PGAP2: variants seen among roughly 807,000 people sequenced by gnomAD.
The protein encoded by PGAP2 is post-GPI attachment to proteins 2, also known as acyltransferase PGAP2.
Under a neutral mutation model 33.2 loss-of-function variants are expected in PGAP2, and 21 were observed. That is an observed-to-expected ratio of 0.63 (90% CI 0.45 to 0.91). The LOEUF (loss-of-function observed/expected upper bound fraction) is 0.91. PGAP2 is among the 40% of genes least tolerant of loss of function. The probability of loss-of-function intolerance (pLI) is 0.00; values close to 1 mark genes in which losing one functional copy is unlikely to be tolerated. For synonymous variants in PGAP2, 161 were observed against 172.9 expected (o/e 0.93, Z 0.54); for missense variants, 345 against 424.0 (o/e 0.81, Z 1.64).
At position 3,798,128 on chromosome 11, in the gene PGAP2, G is replaced by C. The variant is rs887966854; in HGVS notation, c.139+146G>C. ...CTGTCTGTCCAAAGAGTTTGCCCGA[G>C]GCTTCTTCAGGGCCCTAAATCCTGA... On this transcript the variant is annotated intron_variant, in intron 1 of 6. Transcript: ENST00000300730. The C allele has an allele frequency of 4.8e-6, 7 of 1,453,492 alleles. No individual in the cohort carries two copies. The East Asian group carries it at 1.8e-4, about 38-fold the overall frequency. The allele number at this position is 1,453,492 out of a possible 1,614,324, so 90.0% of individuals were successfully genotyped here.
At chr11:3,814,297 C>G (rs1397180746) in intron 2 of PGAP2, among the ~76,000 whole-genome samples, 1 of 152,178 alleles carries the variant, frequency 6.6e-6, no homozygotes, top group Non-Finnish European at 1.5e-5. Context: ...CACTCTGTCG[C>G]CTAGGCTGGA....
chr11:3,801,283 T>C (rs2083404646), intron 1 of PGAP2, among the ~76,000 whole-genome samples: 1 of 152,034 alleles, frequency 6.6e-6, no homozygotes, highest in South Asian at 2.1e-4. Context: ...AGAATACATT[T>C]AAAGCACTTA....
intron 2 of PGAP2, among the ~76,000 whole-genome samples, chr11:3,814,742 T>C (rs2086389481): frequency 9.6e-6 from 1 of 104,030 alleles, no homozygotes; most frequent in Non-Finnish European, 2.4e-5. Context: ...TTTCCTTCTT[T>C]CCTTCTTTTC....
upstream of PGAP2, chr11:3,808,180 T>G: frequency 1.3e-6 from 2 of 1,489,240 alleles, no homozygotes; most frequent in Admixed American, 2.0e-5. Context: ...GGCTTAATGT[T>G]TCAGAAGGGC....
Position 3,802,790 on chromosome 11 carries a change from T to C in PGAP2, c.139+4808T>C, listed in dbSNP as rs2083637464. On this transcript the variant is annotated intron_variant, in intron 1 of 6. Coordinates refer to the PGAP2 transcript ENST00000300730. ...CTTCTCTGCCCCAATTCCTTGTCTA[T>C]GACATGGGCAGAATACTTTGTATTT... 3.9e-5 allele frequency among the ~76,000 whole-genome samples: 6 copies of C among 151,954 alleles called. 1 individual carries two copies. In the South Asian group the frequency reaches 1.2e-3, roughly 31 times the overall value.
At chr11:3,823,310 A>G (rs1193722909) in intron 3 of PGAP2, among the ~76,000 whole-genome samples, 1 of 151,958 alleles carries the variant, frequency 6.6e-6, no homozygotes, top group Non-Finnish European at 1.5e-5. Context: ...TGCTGGGATT[A>G]CAGATGTGAG....
upstream of PGAP2, chr11:3,808,511 C>A: frequency 7.2e-7 from 1 of 1,397,408 alleles, no homozygotes; most frequent in Non-Finnish European, 9.3e-7. Flanking sequence ...GATCTGGGCG[C>A]AGTTTCCTCT....
intron 2 of PGAP2, among the ~76,000 whole-genome samples, chr11:3,813,811 G>A (rs984582659): frequency 6.6e-6 from 1 of 152,220 alleles, no homozygotes; most frequent in African/African-American, 2.4e-5. Context: ...GAGTTAAACA[G>A]ACTAGGCTGT....
rs145026023 is a variant in PGAP2, at chr11:3,817,395, G to C, written c.208G>C (p.Asp70His). Residue 70 changes from aspartate to histidine, a missense_variant, in exon 3 of 7, where the codon GAC (aspartate) becomes CAC (histidine). Asp to His is a moderately conservative substitution (Grantham distance 81). Around this residue, in one of 2 missense-constraint regions of PGAP2, gnomAD observed 311 missense variants for 353.6 expected, o/e 0.88. Coordinates refer to ENST00000278243, the MANE Select transcript of PGAP2 (RefSeq NM_014489.4). Reference protein sequence around the residue: ...RMFSAASQPLDPDGTLFRLRF... With the variant: ...RMFSAASQPLHPDGTLFRLRF... The stretch of plus-strand genomic sequence containing the variant: ...GTTCTCTGCGGCCTCCCAGCCTTTG[G>C]ACCCCGATGGGACCTTGTTCCGGCT... 425 of 1,614,048 alleles carry C rather than the reference G, an allele frequency of 2.6e-4. 1 individual carries two copies. Among genetic ancestry groups the C allele is most frequent in the Non-Finnish European group, 3.4e-4 (400 of 1,180,044 alleles).
intron 6 of PGAP2, 48 bp from the exon 7 acceptor site, chr11:3,825,280 G>C (rs771407140): frequency 6.3e-7 from 1 of 1,599,536 alleles, no homozygotes; most frequent in South Asian, 1.1e-5. Context: ...GCCTCTGAGC[G>C]GGTAGCTGGA....
chr11:3,823,888 C>T lies in PGAP2; in HGVS notation c.354C>T (p.Pro118=), dbSNP rs760696120. The T allele has an allele frequency of 3.1e-6, 5 of 1,602,918 alleles. No individual in the cohort carries two copies. In the East Asian group the frequency reaches 1.1e-4, roughly 36 times the overall value. Residue 118 remains proline, a synonymous_variant, in exon 4 of 7, where the codon CCC becomes CCT. Coordinates refer to ENST00000278243, the MANE Select transcript of PGAP2 (RefSeq NM_014489.4). ...EYTVATDCGV[P]NYLPSVSSAI... ...GACAGGTCACAACTCTCTAGGTGCC[C>T]AATTACCTGCCCTCGGTGAGCTCAG...
intron 2 of PGAP2, among the ~76,000 whole-genome samples, chr11:3,814,520 G>A (rs2134482713): frequency 6.6e-6 from 1 of 152,060 alleles, no homozygotes; most frequent in South Asian, 2.1e-4. Context: ...GCCTCCCAAA[G>A]TGCTAGGATT....
At chr11:3,810,679 G>T (rs1348172518) in intron 1 of PGAP2, among the ~76,000 whole-genome samples, 1 of 152,220 alleles carries the variant, frequency 6.6e-6, no homozygotes, top group Non-Finnish European at 1.5e-5. Flanking sequence ...GGGACAAGCA[G>T]GGGGCTTGGG....
In PGAP2 at chr11:3,811,308, C is replaced by G; in HGVS notation, c.49C>G (p.Leu17Val). Residue 17 changes from leucine to valine, a missense_variant, in exon 2 of 7, where the codon CTC becomes GTC. Leu to Val is a conservative substitution (Grantham distance 32). Coordinates refer to ENST00000278243, the MANE Select transcript of PGAP2 (RefSeq NM_014489.4). The surrounding 1 kb of genome is among the most constrained non-coding windows in gnomAD (Gnocchi z 4.6). ...GGATCGGGATGGGACCCTGGTACGG[C>G]TCCGCTTCACCATGGTGGCCCTGGT... is the stretch of plus-strand genomic sequence containing the variant. ...PLDRDGTLVR[L>V]RFTMVALVTV... The G allele has an allele frequency of 1.2e-6, 2 of 1,614,090 alleles. No homozygotes were observed. Among genetic ancestry groups the G allele is most frequent in the Non-Finnish European group, 1.7e-6 (2 of 1,179,966 alleles).
At chr11:3,803,047 G>C (rs1226220343) in intron 1 of PGAP2, among the ~76,000 whole-genome samples, 1 of 150,140 alleles carries the variant, frequency 6.7e-6, no homozygotes, top group Non-Finnish European at 1.5e-5. Flanking sequence ...AGGCTGGAGT[G>C]CAGTGGTGTG....
chr11:3,817,292 C>T, intron 2 of PGAP2, 61 bp from the exon 3 acceptor site: 1 of 1,367,894 alleles, frequency 7.3e-7, no homozygotes, highest in Non-Finnish European at 1.0e-6. Context: ...TGGAAAAGGC[C>T]CCACTTTCCC....
At chr11:3,819,154 T>C (rs1369382325) in intron 3 of PGAP2, among the ~76,000 whole-genome samples, 1 of 152,140 alleles carries the variant, frequency 6.6e-6, no homozygotes, top group East Asian at 1.9e-4. Context: ...GCTCAGGTGA[T>C]TCCTCGCCTC....
rs2089854088 is a variant in PGAP2, at chr11:3,825,425, C to G, written c.915C>G (p.Leu305=). 1.2e-6 allele frequency: 2 copies of G among 1,613,666 alleles called. No individual in the cohort carries two copies. Among genetic ancestry groups the G allele is most frequent in the Admixed American group, 1.7e-5 (1 of 59,998 alleles). Residue 305 remains leucine (L), a synonymous_variant, in exon 7 of 7, where the codon CTC becomes CTG. Coordinates refer to ENST00000278243, the MANE Select transcript of PGAP2 (RefSeq NM_014489.4). ...GGGACTTCGGGAACAAGGAGCTGCTCATAACCTCTCAGCCTGAGGAAAAGC... is the reference window on the plus strand; with the variant it reads ...GGGACTTCGGGAACAAGGAGCTGCTGATAACCTCTCAGCCTGAGGAAAAGC... The part of the protein sequence containing the change: ...AWWDFGNKEL[L]ITSQPEEKRF
intron 3 of PGAP2, chr11:3,823,539 G>C (rs950526159): frequency 3.4e-6 from 5 of 1,491,602 alleles, no homozygotes; most frequent in Admixed American, 2.0e-5. Context: ...ACTCACCCAG[G>C]GTCTTAGTGG....
Sources: gnomAD v4.1 joint callset for allele counts (sites outside exome capture counted in the v4.1 genomes callset) on GRCh38, gnomAD v4.1.1 for gene constraint, gnomAD v4.1.1 regional missense constraint, Gnocchi (gnomAD v3.1) non-coding constraint, MANE v1.5 for transcripts, NCBI Gene and HGNC (gene_info 2026-07-23, HGNC 2026-07-21) for gene names.